Variants in CAB39L observed in about 807,000 individuals in gnomAD.
The protein encoded by CAB39L is calcium binding protein 39 like, also known as calcium-binding protein 39-like.
In CAB39L, 23 loss-of-function variants were observed where a neutral mutation model predicts 39.1. That is an observed-to-expected ratio of 0.59 (90% CI 0.42 to 0.83). The LOEUF is 0.83. Among genes scored for constraint, CAB39L ranks in the 40% least tolerant of loss-of-function variants. The pLI, the probability that CAB39L is intolerant of heterozygous loss-of-function variation, is 0.00. For synonymous variants in CAB39L, 126 were observed against 137.2 expected (o/e 0.92, Z 0.57); for missense variants, 366 against 391.9 (o/e 0.93, Z 0.56).
chr13:49,434,614 C>T (rs1002162032), intron 1 of CAB39L, among the ~76,000 whole-genome samples: 5 of 152,010 alleles, frequency 3.3e-5, no homozygotes, highest in Admixed American at 3.3e-4. Flanking sequence ...AATACCAGCA[C>T]TTTGGGAGGC....
intron 7 of CAB39L, among the ~76,000 whole-genome samples, chr13:49,344,974 C>G (rs974764766): frequency 6.6e-6 from 1 of 152,132 alleles, no homozygotes; most frequent in Non-Finnish European, 1.5e-5. Context: ...CAGATATAAA[C>G]TTGCAGAAAA....
At chr13:49,385,933 C>G (rs1243971346) in intron 3 of CAB39L, among the ~76,000 whole-genome samples, 4 of 40,030 alleles carry the variant, frequency 1.0e-4, no homozygotes, top group African/African-American at 4.3e-4. Context: ...ACAAAGTGAG[C>G]ACATGCTGGT....
rs1468589587 is a variant in CAB39L at position 49,343,208 on chromosome 13, T to C, written c.624+971A>G. ...GTATCGTTGCTTTTGGATGGATCTG[T>C]CACCACCAAATGTATGACACTGCAT... On this transcript the variant is annotated intron_variant, in intron 8 of 10. Transcript: ENST00000409308. Among the ~76,000 whole-genome samples, 3 of 152,212 alleles carry C rather than the reference T, an allele frequency of 2.0e-5. No individual in the cohort carries two copies. In the East Asian group the frequency reaches 5.8e-4, roughly 29 times the overall value.
intron 10 of CAB39L, among the ~76,000 whole-genome samples, chr13:49,320,413 G>T (rs766108767): frequency 6.6e-6 from 1 of 152,168 alleles, no homozygotes; most frequent in Non-Finnish European, 1.5e-5. Flanking sequence ...GTTCTCAGGC[G>T]TGGTGAGAGG....
chr13:49,382,723 T>C, intron 4 of CAB39L, 77 bp downstream of exon 4: 1 of 888,222 alleles, frequency 1.1e-6, no homozygotes, highest in Non-Finnish European at 1.9e-6. Flanking sequence ...TTTTGAATTC[T>C]TCATTAAGCT....
rs1953911252 is a variant in CAB39L, at chr13:49,308,948, A to T, written c.*1866T>A. On this transcript the variant is annotated 3_prime_UTR_variant, in exon 11 of 11. Transcript: ENST00000409308. ...GGAAATAAAATGTTTTCTTTATCAG[A>T]AAAGAATAATAACAAGGCCTCACTC... The T allele has an allele frequency of 1.3e-5, 2 of 152,218 alleles. No individual in the cohort carries two copies. The highest frequency in any genetic ancestry group is 4.8e-5 in the African/African-American group (2 of 41,460). The allele number at this position is 152,218 out of a possible 1,614,324, so 9.4% of individuals were successfully genotyped here. A position where few individuals can be genotyped will look rare whatever the true frequency, so the allele number is the denominator to read the frequency against.
At chr13:49,342,625 C>T (rs1955037780) in intron 8 of CAB39L, among the ~76,000 whole-genome samples, 1 of 152,070 alleles carries the variant, frequency 6.6e-6, no homozygotes, top group Non-Finnish European at 1.5e-5. Context: ...TGTAAAAATG[C>T]CAAAAATCCC....
chr13:49,344,521 A>ATTT (rs369905242), intron 7 of CAB39L, among the ~76,000 whole-genome samples: 7,870 of 135,920 alleles, frequency 0.058, 577 homozygotes, highest in African/African-American at 0.16. Context: ...AGATGAGTTA[A>ATTT]TTTTTTTTTT....
rs769576774 is a variant in CAB39L, at chr13:49,377,075, T to C, written c.168A>G (p.Thr56=). The change falls in exon 5 of 11, where the codon ACA becomes ACG. Residue 56 remains threonine, a synonymous_variant. Transcript: ENST00000409308. ...CTTCTGTTGGGGGTTCTTTCTCGTT[T>C]GTACCACACAGAATTTCTTTCATTG... is the stretch of plus-strand genomic sequence containing the variant. ...LQAMKEILCG[T]NEKEPPTEAV... is the part of the protein sequence containing the mutation. 2 of 1,613,742 alleles carry C rather than the reference T, an allele frequency of 1.2e-6. No individual in the cohort carries two copies. The highest frequency in any genetic ancestry group is 4.5e-5 in the East Asian group (2 of 44,888).
intron 7 of CAB39L, among the ~76,000 whole-genome samples, chr13:49,346,370 G>T (rs1291743708): frequency 6.9e-6 from 1 of 144,402 alleles, no homozygotes; most frequent in Non-Finnish European, 1.5e-5. Context: ...AAAACAGCTA[G>T]GATCCTACCC....
intron 10 of CAB39L, among the ~76,000 whole-genome samples, chr13:49,325,371 G>A (rs541166956): frequency 1.3e-5 from 2 of 152,310 alleles, no homozygotes; most frequent in South Asian, 2.1e-4. Context: ...TACAATTTTA[G>A]GGGAAATTAT....
At chr13:49,405,819 T>C (rs1956866093) in intron 3 of CAB39L, among the ~76,000 whole-genome samples, 1 of 151,344 alleles carries the variant, frequency 6.6e-6, no homozygotes, top group Non-Finnish European at 1.5e-5. Flanking sequence ...AATGGAATAA[T>C]ATTCAGCTAT....
chr13:49,422,785 G>A (rs565060137), intron 3 of CAB39L, among the ~76,000 whole-genome samples: 4 of 151,986 alleles, frequency 2.6e-5, no homozygotes, highest in South Asian at 2.1e-4. Flanking sequence ...AGAAGCAACC[G>A]GAATGAATTC....
At chr13:49,342,680 T>C (rs1955039060) in intron 8 of CAB39L, among the ~76,000 whole-genome samples, 2 of 152,152 alleles carry the variant, frequency 1.3e-5, no homozygotes, top group Admixed American at 6.5e-5. Context: ...GATCAGAGAC[T>C]CCCCTTCCCT....
At chr13:49,390,392 G>C (rs1329512688) in intron 3 of CAB39L, among the ~76,000 whole-genome samples, 1 of 152,112 alleles carries the variant, frequency 6.6e-6, no homozygotes, top group South Asian at 2.1e-4. Context: ...GATAATAGGC[G>C]TGAGCCACTG....
chr13:49,423,089 A>T (rs548133836), intron 3 of CAB39L, among the ~76,000 whole-genome samples: 1 of 152,360 alleles, frequency 6.6e-6, no homozygotes, highest in Admixed American at 6.5e-5. Flanking sequence ...AAAAAGAGGA[A>T]GAAACAGCTG....
chr13:49,422,559 C>A (rs554271405), intron 3 of CAB39L, among the ~76,000 whole-genome samples: 1 of 151,730 alleles, frequency 6.6e-6, no homozygotes, highest in Non-Finnish European at 1.5e-5. Flanking sequence ...GGAGACAGAG[C>A]GAGACTCTGT....
chr13:49,337,856 T>A (rs1290980110), intron 9 of CAB39L, among the ~76,000 whole-genome samples: 1 of 152,120 alleles, frequency 6.6e-6, no homozygotes, highest in Non-Finnish European at 1.5e-5. Flanking sequence ...AAACTATGTA[T>A]TTATTTGTTT....
At chr13:49,329,105 C>T (rs972403386) in intron 10 of CAB39L, among the ~76,000 whole-genome samples, 46 of 152,062 alleles carry the variant, frequency 3.0e-4, no homozygotes, top group African/African-American at 1.1e-3. Context: ...TATCAAGTTT[C>T]GGATTTATAT....
Sources: gnomAD v4.1 joint callset for allele counts (sites outside exome capture counted in the v4.1 genomes callset) on GRCh38, gnomAD v4.1.1 for gene constraint, MANE v1.5 for transcripts, NCBI Gene and HGNC (gene_info 2026-07-23, HGNC 2026-07-21) for gene names.